NEDD4: variants seen among roughly 807,000 people sequenced by gnomAD.
The protein encoded by NEDD4 is NEDD4 E3 ubiquitin protein ligase.
In NEDD4, 99 loss-of-function variants were observed where a neutral mutation model predicts 144.9. The ratio of observed to expected loss-of-function variants is 0.68; its 90% CI spans 0.58 to 0.81. The LOEUF (loss-of-function observed/expected upper bound fraction) is 0.81, where lower values mean the gene tolerates loss of function less well. Among genes scored for constraint, NEDD4 ranks in the 30% least tolerant of loss-of-function variants. The probability of loss-of-function intolerance (pLI) is 0.00; values close to 1 mark genes in which losing one functional copy is unlikely to be tolerated. For missense variants in NEDD4, 985 were observed against 1,065.9 expected (o/e 0.92, Z 1.06); for synonymous variants, 318 against 350.6 (o/e 0.91, Z 1.04).
chr15:55,852,083 G>T (rs553449332), intron 13 of NEDD4, among the ~76,000 whole-genome samples: 4 of 151,892 alleles, frequency 2.6e-5, no homozygotes, highest in Admixed American at 2.6e-4. Context: ...ATCACCTGAG[G>T]TCAGGAGTTT....
At chr15:55,917,362 A>G (rs1181921413) in intron 5 of NEDD4, among the ~76,000 whole-genome samples, 1 of 152,198 alleles carries the variant, frequency 6.6e-6, no homozygotes, top group African/African-American at 2.4e-5. Flanking sequence ...GGAAGTTGGT[A>G]GGAACAAAAC....
Position 55,837,777 on chromosome 15 carries a change from G to T in NEDD4, c.2262+12C>A, listed in dbSNP as rs2033281412. 1.2e-6 allele frequency: 2 copies of T among 1,603,792 alleles called. No homozygotes were observed. ...TGACATTATGGAAGAGCAAATAAAA[G>T]AAAATGAATACCTCTTTAAAAGCAG... On this transcript the variant is annotated intron_variant, in intron 24 of 28. Transcript: ENST00000435532.
At chr15:55,885,507 A>G (rs1292434044) in intron 5 of NEDD4, among the ~76,000 whole-genome samples, 1 of 152,202 alleles carries the variant, frequency 6.6e-6, no homozygotes, top group Non-Finnish European at 1.5e-5. Context: ...TTTTTAAGAC[A>G]TAGTACAAGA....
intron 1 of NEDD4, among the ~76,000 whole-genome samples, chr15:55,982,324 T>C (rs912549579): frequency 6.6e-6 from 1 of 152,162 alleles, no homozygotes; most frequent in Non-Finnish European, 1.5e-5. Flanking sequence ...TATAGATGAA[T>C]GTTCACCGTA....
rs150858069 is a variant in NEDD4, at chr15:55,844,972, G to A, written c.1608+1997C>T. 2.6e-5 allele frequency among the ~76,000 whole-genome samples: 4 copies of A among 151,918 alleles called. No homozygotes were observed. The East Asian group carries it at 5.8e-4, about 22-fold the overall frequency. ...ACAGGCATGAACCACTGCACCTGGT[G>A]TTTTTAATATTCTTTATTTCTGTTT... On this transcript the variant is annotated intron_variant, in intron 18 of 28. Transcript: ENST00000435532.
At chr15:55,965,944 G>A (rs2037505564) in intron 2 of NEDD4, among the ~76,000 whole-genome samples, 1 of 152,112 alleles carries the variant, frequency 6.6e-6, no homozygotes, top group South Asian at 2.1e-4. Flanking sequence ...GAGCCACCAT[G>A]CCTGGCCCTA....
At chr15:55,860,332 A>G in intron 11 of NEDD4, 75 bp downstream of exon 11, 10 of 1,444,134 alleles carry the variant, frequency 6.9e-6, no homozygotes, top group Non-Finnish European at 9.4e-6. Context: ...ATTTTACATA[A>G]AAGTTAGTTG....
chr15:55,980,628 C>T (rs941113724), intron 1 of NEDD4, among the ~76,000 whole-genome samples: 1 of 152,146 alleles, frequency 6.6e-6, no homozygotes, highest in African/African-American at 2.4e-5. Flanking sequence ...GAAAAGAGAT[C>T]GAGTGAATTC....
chr15:55,993,383 A>T, intron 1 of NEDD4, 128 bp downstream of exon 1: 1 of 1,197,542 alleles, frequency 8.4e-7, no homozygotes, highest in Non-Finnish European at 1.1e-6. Context: ...CGCGCTCCCC[A>T]GGCTCGCGCC....
chr15:55,864,900 A>C (rs1026436383), intron 8 of NEDD4, among the ~76,000 whole-genome samples: 11 of 152,036 alleles, frequency 7.2e-5, no homozygotes, highest in African/African-American at 2.4e-4. Context: ...AAGAAACTCA[A>C]CTTTATAGGA....
At position 55,848,510 on chromosome 15, in the gene NEDD4, A is replaced by C. The variant is rs777093221; in HGVS notation, c.1483+11T>G. The C allele has an allele frequency of 2.0e-5, 33 of 1,613,134 alleles. No homozygotes were observed. Among genetic ancestry groups the C allele is most frequent in the Non-Finnish European group, 2.6e-5 (31 of 1,179,334 alleles). ...AAAAAATAACATAATGAAAAATCGC[A>C]CTGCACATACTGTGATTTATGTAGA... is the stretch of plus-strand genomic sequence containing the variant. On this transcript the variant is annotated intron_variant, in intron 16 of 28. Coordinates refer to ENST00000435532, the MANE Select transcript of NEDD4 (RefSeq NM_006154.4).
At chr15:55,989,100 G>C (rs2037946591) in intron 1 of NEDD4, among the ~76,000 whole-genome samples, 1 of 152,110 alleles carries the variant, frequency 6.6e-6, no homozygotes, top group Non-Finnish European at 1.5e-5. Context: ...GCTGGGCGTG[G>C]TGGTGCGTGC....
At chr15:55,927,515 T>C (rs1435304031) in intron 4 of NEDD4, among the ~76,000 whole-genome samples, 1 of 152,132 alleles carries the variant, frequency 6.6e-6, no homozygotes, top group Non-Finnish European at 1.5e-5. Context: ...TAGGCTGATC[T>C]TGAACTCCTG....
Position 55,969,454 on chromosome 15 carries a change from G to A in NEDD4, c.46-2908C>T, listed in dbSNP as rs545330057. On this transcript the variant is annotated intron_variant, in intron 1 of 28. Transcript: ENST00000435532. ...CACATGAACCAGTGAGACACCAGAC[G>A]GGGCGGCCAAGGGTGTGCTTGTGTC... Among the ~76,000 whole-genome samples, 10 of 152,246 alleles carry A rather than the reference G, an allele frequency of 6.6e-5. No individual in the cohort carries two copies. In the South Asian group the frequency reaches 1.7e-3, roughly 25 times the overall value.
chr15:55,857,016 T>C (rs1186363600), intron 11 of NEDD4, among the ~76,000 whole-genome samples: 1 of 152,166 alleles, frequency 6.6e-6, no homozygotes, highest in Non-Finnish European at 1.5e-5. Context: ...TATGCCAGAG[T>C]TTAATGACTG....
intron 1 of NEDD4, among the ~76,000 whole-genome samples, chr15:55,986,521 TAAACAGACCC>T (rs1320090739): frequency 1.4e-5 from 2 of 143,516 alleles, no homozygotes; most frequent in African/African-American, 5.1e-5. Flanking sequence ...CAAGAAACAC[TAAACAGACCC>T]AAACAGACCC....
At chr15:55,878,886 G>A (rs999002616) in intron 5 of NEDD4, among the ~76,000 whole-genome samples, 3 of 152,214 alleles carry the variant, frequency 2.0e-5, no homozygotes, top group East Asian at 1.9e-4. Flanking sequence ...GCAATGGCGC[G>A]ATCTCGACTC....
intron 4 of NEDD4, among the ~76,000 whole-genome samples, chr15:55,934,400 A>G (rs886214839): frequency 2.1e-4 from 32 of 152,224 alleles, no homozygotes; most frequent in African/African-American, 7.7e-4. Context: ...GACTATTATG[A>G]ATAATGCTGC....
intron 2 of NEDD4, among the ~76,000 whole-genome samples, chr15:55,961,760 C>T (rs774348989): frequency 2.6e-5 from 4 of 152,064 alleles, no homozygotes; most frequent in South Asian, 2.1e-4. Context: ...TGAGCCACCG[C>T]GCCTGGCCAG....
Sources: allele counts gnomAD v4.1 joint callset (sites outside exome capture counted in the v4.1 genomes callset), GRCh38; gene constraint gnomAD v4.1.1; transcripts MANE v1.5; gene names NCBI Gene and HGNC (gene_info 2026-07-23, HGNC 2026-07-21).